DDHD1: variants seen among roughly 807,000 people sequenced by gnomAD.
DDHD1 encodes the protein DDHD domain containing 1.
A neutral mutation model predicts 96.4 loss-of-function variants in DDHD1; 49 were observed. The observed-to-expected ratio is 0.51, with a 90% CI of 0.40 to 0.64. The LOEUF is 0.64. DDHD1 is among the 30% of genes least tolerant of loss of function. The pLI is 0.00. For synonymous variants in DDHD1, 442 were observed against 446.5 expected (o/e 0.99, Z 0.13); for missense variants, 1,106 against 1,161.2 (o/e 0.95, Z 0.69).
At chr14:53,067,878 T>G (rs1313175073) in intron 6 of DDHD1, among the ~76,000 whole-genome samples, 2 of 152,374 alleles carry the variant, frequency 1.3e-5, no homozygotes, top group Admixed American at 1.3e-4. Flanking sequence ...TCCATTTGCT[T>G]TATTCACTTG....
chr14:53,135,341 A>G (rs562387158), intron 1 of DDHD1, among the ~76,000 whole-genome samples: 2 of 152,302 alleles, frequency 1.3e-5, no homozygotes, highest in African/African-American at 4.8e-5. Flanking sequence ...TTAAGAAGGT[A>G]CTTTGTAATA....
intron 1 of DDHD1, among the ~76,000 whole-genome samples, chr14:53,129,141 T>C (rs761322417): frequency 1.2e-4 from 19 of 152,208 alleles, no homozygotes; most frequent in East Asian, 1.9e-4. Flanking sequence ...ACAAAGCCTG[T>C]TGGTGGACTC....
At chr14:53,087,994 C>A (rs1282990150) in intron 4 of DDHD1, among the ~76,000 whole-genome samples, 1 of 152,086 alleles carries the variant, frequency 6.6e-6, no homozygotes, top group Non-Finnish European at 1.5e-5. Context: ...ACTACTGATC[C>A]CACAGAAATA....
intron 1 of DDHD1, among the ~76,000 whole-genome samples, chr14:53,112,627 TC>T (rs916373982): frequency 1.0e-3 from 157 of 152,330 alleles, no homozygotes; most frequent in African/African-American, 3.6e-3. Flanking sequence ...AACTTACTTA[TC>T]AATCTGCTTA....
chr14:53,052,270 G>C (rs540502893), intron 11 of DDHD1, among the ~76,000 whole-genome samples: 68 of 152,080 alleles, frequency 4.5e-4, no homozygotes, highest in African/African-American at 1.4e-3. Flanking sequence ...AGAATAGCTA[G>C]GTAAGATGCT....
At position 53,045,667 on chromosome 14, in the gene DDHD1, C is replaced by T. The variant is rs1029970516; in HGVS notation, c.*1101G>A. 6.6e-6 allele frequency: 1 copy of T among 152,148 alleles called. No individual in the cohort carries two copies. The highest frequency in any genetic ancestry group is 1.5e-5 in the Non-Finnish European group (1 of 68,028). 9.4% of individuals were successfully genotyped at this position (152,148 alleles called of 1,614,324 possible). The stretch of plus-strand genomic sequence containing the variant: ...TAGTACATGGGTTATTGAATGCACT[C>T]TTAAACTTTGAGCCCCTCAGATGAA... On this transcript the variant is annotated 3_prime_UTR_variant, in exon 13 of 13. Coordinates refer to ENST00000673822, the MANE Select transcript of DDHD1 (RefSeq NM_001160148.2).
intron 2 of DDHD1, among the ~76,000 whole-genome samples, chr14:53,100,762 C>T (rs75331430): frequency 0.012 from 1,752 of 152,288 alleles, 13 homozygotes; most frequent in Non-Finnish European, 0.015. Flanking sequence ...ATTTAATAAA[C>T]ATCCCTGAAT....
chr14:53,100,085 A>G (rs1357510070), intron 2 of DDHD1, among the ~76,000 whole-genome samples: 1 of 152,202 alleles, frequency 6.6e-6, no homozygotes, highest in African/African-American at 2.4e-5. Flanking sequence ...CACAAAAATA[A>G]AAAATATTAT....
intron 6 of DDHD1, among the ~76,000 whole-genome samples, chr14:53,067,075 T>C (rs1400896213): frequency 6.6e-6 from 1 of 151,816 alleles, no homozygotes; most frequent in East Asian, 1.9e-4. Context: ...GTAGGGGAAC[T>C]GTTAAAAATA....
chr14:53,114,158 G>A (rs1223045021), intron 1 of DDHD1, among the ~76,000 whole-genome samples: 1 of 152,224 alleles, frequency 6.6e-6, no homozygotes, highest in Non-Finnish European at 1.5e-5. Flanking sequence ...TCACCAGACT[G>A]CCTCTCTAGA....
Position 53,152,979 on chromosome 14 carries a change from GCAGCAGA to G in DDHD1, c.113_119del (p.Val38AlafsTer120). The G allele has an allele frequency of 1.9e-6, 3 of 1,566,352 alleles. No individual in the cohort carries two copies. The highest frequency in any genetic ancestry group is 2.6e-6 in the Non-Finnish European group (3 of 1,159,076). On this transcript the variant is annotated frameshift_variant, in exon 1 of 13. Coordinates refer to ENST00000673822, the MANE Select transcript of DDHD1 (RefSeq NM_001160148.2). LOFTEE classifies it high-confidence loss of function. ...GGTCCCCGCCGGGCAGGTGCTCGAA[GCAGCAGA>G]CGCCGCCGCCGAACGCTGGCCTCGC...
Position 53,113,343 on chromosome 14 carries a change from CTTTTTCTTTTT to C in DDHD1, c.839-9498_839-9488del, listed in dbSNP as rs1023251363. ...AATGCATATAGCCATTCTATATTTT[CTTTTTCTTTTT>C]TTTTTCTTTTTAAAAAAAAAAACCC... On this transcript the variant is annotated intron_variant, in intron 1 of 12. Transcript: ENST00000673822. Among the ~76,000 whole-genome samples the C allele has an allele frequency of 7.6e-5, 9 of 118,902 alleles. 1 individual carries two copies. Among genetic ancestry groups the C allele is most frequent in the Admixed American group, 1.8e-4 (2 of 11,394 alleles). The allele number at this position is 118,902 out of a possible 152,430, so 78.0% of individuals were successfully genotyped here.
At chr14:53,065,532 CT>C (rs1200629020) in intron 6 of DDHD1, among the ~76,000 whole-genome samples, 4 of 152,120 alleles carry the variant, frequency 2.6e-5, no homozygotes, top group Non-Finnish European at 5.9e-5. Flanking sequence ...CTGAAATTAA[CT>C]TTTTTGGTTG....
At chr14:53,092,235 C>A in intron 3 of DDHD1, 1 of 197,100 alleles carries the variant, frequency 5.1e-6, no homozygotes, top group Non-Finnish European at 1.0e-5. Flanking sequence ...AAAGAAATGG[C>A]AAACTGGAAA....
intron 1 of DDHD1, among the ~76,000 whole-genome samples, chr14:53,150,714 T>C (rs1891284934): frequency 6.6e-6 from 1 of 152,242 alleles, no homozygotes; most frequent in African/African-American, 2.4e-5. Context: ...TCTATGATTA[T>C]GTTTAAGTCA....
intron 2 of DDHD1, among the ~76,000 whole-genome samples, chr14:53,097,167 C>G (rs1259611253): frequency 6.6e-6 from 1 of 151,898 alleles, no homozygotes; most frequent in Non-Finnish European, 1.5e-5. Flanking sequence ...CATCCTCACT[C>G]CCTTCTATAT....
At chr14:53,116,771 A>G (rs549146241) in intron 1 of DDHD1, among the ~76,000 whole-genome samples, 51 of 152,210 alleles carry the variant, frequency 3.4e-4, no homozygotes, top group Non-Finnish European at 6.0e-4. Flanking sequence ...TCAGAAAGCA[A>G]GAAAGACAGA....
At chr14:53,081,967 T>C (rs1885506186) in intron 4 of DDHD1, among the ~76,000 whole-genome samples, 1 of 151,876 alleles carries the variant, frequency 6.6e-6, no homozygotes, top group Non-Finnish European at 1.5e-5. Context: ...AAGAGAGAAG[T>C]TGGATATGTT....
In DDHD1 at chr14:53,044,554, T is replaced by C. The variant is rs1445769434; in HGVS notation, c.*2214A>G. 1 of 152,180 alleles carries C rather than the reference T, an allele frequency of 6.6e-6. No individual in the cohort carries two copies. The highest frequency in any genetic ancestry group is 1.5e-5 in the Non-Finnish European group (1 of 68,018). 9.4% of individuals were successfully genotyped at this position (152,180 alleles called of 1,614,324 possible). A position where few individuals can be genotyped will look rare whatever the true frequency, so the allele number is the denominator to read the frequency against. ...AACGATACAGTCATATAGCATGAGT[T>C]TAATTTTCCTGAGAACTAAATTAGA... On this transcript the variant is annotated 3_prime_UTR_variant, in exon 13 of 13. Coordinates refer to ENST00000673822, the MANE Select transcript of DDHD1 (RefSeq NM_001160148.2).
Sources: allele counts gnomAD v4.1 joint callset (sites outside exome capture counted in the v4.1 genomes callset), GRCh38; gene constraint gnomAD v4.1.1; transcripts MANE v1.5; gene names NCBI Gene and HGNC (gene_info 2026-07-23, HGNC 2026-07-21).